Variants in PLCXD3 observed in about 807,000 individuals in gnomAD.
PLCXD3 encodes phosphatidylinositol specific phospholipase C X domain containing 3, also known as PI-PLC X domain-containing protein 3.
Under a neutral mutation model 25.5 loss-of-function variants are expected in PLCXD3, and 19 were observed. That is an observed-to-expected ratio of 0.75 (90% confidence interval 0.52 to 1.09). The LOEUF is 1.09. PLCXD3 is among the 50% of genes least tolerant of loss of function. The probability of loss-of-function intolerance (pLI) is 0.00; values close to 1 mark genes in which losing one functional copy is unlikely to be tolerated. For synonymous variants in PLCXD3, 174 were observed against 137.6 expected, an observed-to-expected ratio of 1.26 and a Z score of -1.85; for missense variants, 411 against 388.1, an observed-to-expected ratio of 1.06 and a Z score of -0.50.
At chr5:41,495,961 A>G (rs1748827430) in intron 1 of PLCXD3, among the ~76,000 whole-genome samples, 1 of 152,198 alleles carries the variant, frequency 6.6e-6, no homozygotes, top group Non-Finnish European at 1.5e-5. Flanking sequence ...AATAACCATC[A>G]TAAAGTTGTC....
intron 2 of PLCXD3, among the ~76,000 whole-genome samples, chr5:41,371,199 T>C (rs763020692): frequency 1.6e-4 from 25 of 152,088 alleles, no homozygotes; most frequent in Non-Finnish European, 3.2e-4. Flanking sequence ...AAAAAGCACA[T>C]GGACAGACTA....
At chr5:41,443,849 C>A (rs1055367372) in intron 1 of PLCXD3, among the ~76,000 whole-genome samples, 4 of 152,192 alleles carry the variant, frequency 2.6e-5, no homozygotes, top group Non-Finnish European at 2.9e-5. Flanking sequence ...CTTAAAATAG[C>A]AAATTGGTCT....
chr5:41,421,430 G>T (rs910731730), intron 1 of PLCXD3, among the ~76,000 whole-genome samples: 3 of 152,162 alleles, frequency 2.0e-5, no homozygotes, highest in Non-Finnish European at 4.4e-5. Context: ...AGCTGGGCGC[G>T]GTGGCTCACG....
At chr5:41,454,119 C>T (rs1399045057) in intron 1 of PLCXD3, among the ~76,000 whole-genome samples, 1 of 151,878 alleles carries the variant, frequency 6.6e-6, no homozygotes, top group Non-Finnish European at 1.5e-5. Context: ...AAATAAAGTC[C>T]TCCCAAATAT....
At chr5:41,399,640 A>G (rs1475131406) in intron 1 of PLCXD3, among the ~76,000 whole-genome samples, 1 of 152,154 alleles carries the variant, frequency 6.6e-6, no homozygotes, top group African/African-American at 2.4e-5. Context: ...CTGGCTATCC[A>G]TATGCAGAAA....
rs533737755 is a variant in PLCXD3 at position 41,426,745 on chromosome 5, C to A, written c.104-44211G>T. Among the ~76,000 whole-genome samples the A allele has an allele frequency of 9.2e-5, 14 of 152,128 alleles. 1 individual carries two copies. In the South Asian group the frequency reaches 2.7e-3, roughly 29 times the overall value. ...ACATACATATTTATTAATTCATTTG[C>A]TTACCATTACTTCTTGCATCCCATT... On this transcript the variant is annotated intron_variant, in intron 1 of 2. Transcript: ENST00000377801.
At chr5:41,335,463 G>A (rs1743951555) in intron 2 of PLCXD3, among the ~76,000 whole-genome samples, 1 of 152,116 alleles carries the variant, frequency 6.6e-6, no homozygotes, top group African/African-American at 2.4e-5. Context: ...ACTGTTGGCA[G>A]GATCGTTTTA....
At chr5:41,489,401 T>C (rs372345733) in intron 1 of PLCXD3, among the ~76,000 whole-genome samples, 1 of 152,076 alleles carries the variant, frequency 6.6e-6, no homozygotes, top group South Asian at 2.1e-4. Flanking sequence ...TAGGATTGAC[T>C]TGGCGATGCG....
intron 1 of PLCXD3, among the ~76,000 whole-genome samples, chr5:41,383,022 C>T (rs1489958904): frequency 6.6e-6 from 1 of 151,976 alleles, no homozygotes; most frequent in Non-Finnish European, 1.5e-5. Context: ...TTACCTCATT[C>T]ACTTCGGAAG....
At chr5:41,332,225 A>G (rs976405432) in intron 2 of PLCXD3, among the ~76,000 whole-genome samples, 3 of 152,100 alleles carry the variant, frequency 2.0e-5, no homozygotes, top group Non-Finnish European at 2.9e-5. Flanking sequence ...AGAATCTACA[A>G]TGAACTCCAA....
chr5:41,485,917 G>A (rs535103608), intron 1 of PLCXD3, among the ~76,000 whole-genome samples: 1 of 152,212 alleles, frequency 6.6e-6, no homozygotes, highest in South Asian at 2.1e-4. Flanking sequence ...TCTTGTTGAA[G>A]CTCATCAGAA....
rs368156749 is a variant in PLCXD3, at chr5:41,364,122, A to AT, written c.812+17703dup. Among the ~76,000 whole-genome samples, 85 of 152,128 alleles carry AT rather than the reference A, an allele frequency of 5.6e-4. 2 individuals carry two copies. The highest frequency in any genetic ancestry group is 1.3e-3 in the African/African-American group (53 of 41,502). On this transcript the variant is annotated intron_variant, in intron 2 of 2. Transcript: ENST00000377801. ...AGGGCATTTGGCAATAACTGGAGAC[A>AT]TTTTTTTCAGTCATAACTCAGGGGA...
At chr5:41,440,808 C>T (rs539134867) in intron 1 of PLCXD3, among the ~76,000 whole-genome samples, 44 of 152,184 alleles carry the variant, frequency 2.9e-4, no homozygotes, top group Admixed American at 1.0e-3. Flanking sequence ...AATGAAAAGA[C>T]CCAAGCTGGA....
intron 2 of PLCXD3, among the ~76,000 whole-genome samples, chr5:41,374,729 T>C (rs963130733): frequency 6.6e-6 from 1 of 152,142 alleles, no homozygotes; most frequent in Non-Finnish European, 1.5e-5. Flanking sequence ...CTCAGGGATA[T>C]GTAGCTTGAG....
chr5:41,363,152 C>T (rs537479515), intron 2 of PLCXD3, among the ~76,000 whole-genome samples: 9 of 152,196 alleles, frequency 5.9e-5, no homozygotes, highest in Middle Eastern at 3.4e-3. Context: ...TACATGGCAG[C>T]GCTGGGTTGA....
intron 2 of PLCXD3, among the ~76,000 whole-genome samples, chr5:41,337,443 A>G (rs912897465): frequency 6.6e-6 from 1 of 152,172 alleles, no homozygotes; most frequent in African/African-American, 2.4e-5. Flanking sequence ...TTTTGTGTAC[A>G]GTACTCTGTT....
chr5:41,484,030 A>G (rs1005338196), intron 1 of PLCXD3, among the ~76,000 whole-genome samples: 15 of 152,156 alleles, frequency 9.9e-5, no homozygotes, highest in African/African-American at 3.6e-4. Flanking sequence ...TCTAATATGT[A>G]AGAAAATGGA....
chr5:41,308,104 G>A lies in PLCXD3; in HGVS notation c.*5513C>T, dbSNP rs1743045311. 6.6e-6 allele frequency: 1 copy of A among 152,104 alleles called. No homozygotes were observed. The allele number at this position is 152,104 out of a possible 1,614,324, so 9.4% of individuals were successfully genotyped here. On this transcript the variant is annotated 3_prime_UTR_variant, in exon 3 of 3. Transcript: ENST00000377801. Reference sequence around the variant, plus strand: ...GCTGACCAATGTTTTCTTTCTTGAAGGACATTATGACTGCAGATATTCATA... The same window carrying A: ...GCTGACCAATGTTTTCTTTCTTGAAAGACATTATGACTGCAGATATTCATA...
At chr5:41,499,571 A>T (rs10063143) in intron 1 of PLCXD3, among the ~76,000 whole-genome samples, 1 of 151,726 alleles carries the variant, frequency 6.6e-6, no homozygotes, top group Non-Finnish European at 1.5e-5. Context: ...ACCACTCCCC[A>T]AAGGAATCTA....
Sources: allele counts gnomAD v4.1 joint callset (sites outside exome capture counted in the v4.1 genomes callset), GRCh38; gene constraint gnomAD v4.1.1; transcripts MANE v1.5; gene names NCBI Gene and HGNC (gene_info 2026-07-23, HGNC 2026-07-21).